RBM28: variants seen among roughly 807,000 people sequenced by gnomAD.
The protein encoded by RBM28 is RNA binding motif protein 28, also known as RNA-binding protein 28.
A neutral mutation model predicts 98.3 loss-of-function variants in RBM28; 78 were observed. The observed-to-expected ratio is 0.79, with a 90% CI of 0.66 to 0.96. RBM28 has a LOEUF of 0.96. RBM28 is among the 40% of genes least tolerant of loss of function. RBM28 has a pLI of 0.00. For synonymous variants in RBM28, 306 were observed against 330.9 expected (o/e 0.92, Z 0.82); for missense variants, 838 against 913.0 (o/e 0.92, Z 1.06).
Position 128,307,851 on chromosome 7 carries a change from C to G in RBM28, c.*2946G>C, listed in dbSNP as rs1224262837. The G allele has an allele frequency of 1.3e-5, 2 of 152,186 alleles. No individual in the cohort carries two copies. Among genetic ancestry groups the G allele is most frequent in the East Asian group, 3.9e-4 (2 of 5,188 alleles). 9.4% of individuals were successfully genotyped at this position (152,186 alleles called of 1,614,324 possible). A position where few individuals can be genotyped will look rare whatever the true frequency, so the allele number is the denominator to read the frequency against. On this transcript the variant is annotated 3_prime_UTR_variant, in exon 19 of 19. Coordinates refer to ENST00000223073, the MANE Select transcript of RBM28 (RefSeq NM_018077.3). ...CAAAATAATAGAGATGGGGGTCTCA[C>G]TATGTTGGCCAGGTCGGTCTCAAAC...
At chr7:128,320,727 C>CT (rs1796212857) in intron 14 of RBM28, among the ~76,000 whole-genome samples, 1 of 152,352 alleles carries the variant, frequency 6.6e-6, no homozygotes, top group East Asian at 1.9e-4. Context: ...TTAATAAATG[C>CT]TTGCTAAATT....
intron 18 of RBM28, 67 bp downstream of exon 18, chr7:128,313,108 G>T: frequency 6.7e-7 from 1 of 1,493,856 alleles, no homozygotes; most frequent in Non-Finnish European, 9.3e-7. Context: ...AACTAACCAA[G>T]GTACAAACAT....
chr7:128,341,216 T>G, intron 1 of RBM28: 1 of 1,280,498 alleles, frequency 7.8e-7, no homozygotes, highest in Non-Finnish European at 1.0e-6. Context: ...CTGATCTACA[T>G]AAACTGGTTA....
At chr7:128,318,753 T>A (rs1347591273) in intron 14 of RBM28, among the ~76,000 whole-genome samples, 2 of 152,154 alleles carry the variant, frequency 1.3e-5, no homozygotes, top group Non-Finnish European at 2.9e-5. Flanking sequence ...CTGTTTGCGA[T>A]ACATACAAAT....
chr7:128,319,508 T>C (rs1442444241), intron 14 of RBM28, among the ~76,000 whole-genome samples: 2 of 152,214 alleles, frequency 1.3e-5, no homozygotes, highest in Admixed American at 6.5e-5. Flanking sequence ...ATTCACATTC[T>C]CTCAAGTAAT....
rs1326669540 is a variant in RBM28, at chr7:128,335,094, T to C, written c.946+449A>G. Among the ~76,000 whole-genome samples the C allele has an allele frequency of 2.6e-5, 4 of 152,246 alleles. No homozygotes were observed. The East Asian group carries it at 7.7e-4, about 29-fold the overall frequency. ...CCACCCAGTTTATGGTATTTTGTTA[T>C]GTCAGTCCAAACTGACTAAACAGTT... On this transcript the variant is annotated intron_variant, in intron 8 of 18. Transcript: ENST00000223073.
At position 128,317,791 on chromosome 7, in the gene RBM28, G is replaced by A. The variant is rs369010949; in HGVS notation, c.1714-58C>T. The A allele has an allele frequency of 8.0e-6, 12 of 1,492,878 alleles. No homozygotes were observed. The African/African-American group carries it at 1.4e-4, about 17-fold the overall frequency. The allele number at this position is 1,492,878 out of a possible 1,614,324, so 92.5% of individuals were successfully genotyped here. ...ACTTCTTAATCTGTGCATGCAATGA[G>A]CTGAGTTTTTCCCCTTCACACATCC... is the stretch of plus-strand genomic sequence containing the variant. On this transcript the variant is annotated intron_variant, in intron 15 of 18. Coordinates refer to ENST00000223073, the MANE Select transcript of RBM28 (RefSeq NM_018077.3).
rs367775707 is a variant in RBM28, at chr7:128,314,846, C to T, written c.1963G>A (p.Glu655Lys). 3.1e-6 allele frequency: 5 copies of T among 1,614,084 alleles called. No homozygotes were observed. Among genetic ancestry groups the T allele is most frequent in the Admixed American group, 3.3e-5 (2 of 60,004 alleles). Residue 655 changes from glutamate to lysine, a missense_variant, in exon 17 of 19, where the codon GAA (glutamate) becomes AAA (lysine). Transcript: ENST00000223073. Reference sequence around the variant, plus strand: ...TCAGGCAGCTCCACCTGCTCCACTTCAGCCTTGGTCTGGAACCCGGTCCAT... The same window carrying T: ...TCAGGCAGCTCCACCTGCTCCACTTTAGCCTTGGTCTGGAACCCGGTCCAT... ...TSWTGFQTKAEVEQVELPDGK... is the reference protein window; with the variant it reads ...TSWTGFQTKAKVEQVELPDGK...
intron 1 of RBM28, among the ~76,000 whole-genome samples, chr7:128,342,456 C>A (rs979503586): frequency 6.6e-6 from 1 of 152,054 alleles, no homozygotes. Context: ...ATGAGGCGGG[C>A]GGATCACCTG....
chr7:128,328,794 T>C (rs1313788149), intron 10 of RBM28, among the ~76,000 whole-genome samples: 4 of 152,178 alleles, frequency 2.6e-5, no homozygotes, highest in Non-Finnish European at 4.4e-5. Flanking sequence ...GAGCTGCAGG[T>C]ACCTTAAGTG....
intron 1 of RBM28, among the ~76,000 whole-genome samples, chr7:128,340,653 T>G (rs903862642): frequency 6.6e-6 from 1 of 152,168 alleles, no homozygotes; most frequent in Admixed American, 6.5e-5. Context: ...AGATCAGCAA[T>G]AAATGCCTGA....
chr7:128,307,863 G>C lies in RBM28; in HGVS notation c.*2934C>G, dbSNP rs1208552317. The C allele has an allele frequency of 1.3e-5, 2 of 152,192 alleles. No individual in the cohort carries two copies. Among genetic ancestry groups the C allele is most frequent in the African/African-American group, 4.8e-5 (2 of 41,454 alleles). The allele number at this position is 152,192 out of a possible 1,614,324, so 9.4% of individuals were successfully genotyped here. A position where few individuals can be genotyped will look rare whatever the true frequency, so the allele number is the denominator to read the frequency against. On this transcript the variant is annotated 3_prime_UTR_variant, in exon 19 of 19. Transcript: ENST00000223073. ...GATGGGGGTCTCACTATGTTGGCCA[G>C]GTCGGTCTCAAACTCCTGACCTCAA...
chr7:128,317,688 T>C lies in RBM28; in HGVS notation c.1759A>G (p.Met587Val). Residue 587 changes from methionine to valine, a missense_variant, in exon 16 of 19, where the codon ATG becomes GTG. Coordinates refer to ENST00000223073, the MANE Select transcript of RBM28 (RefSeq NM_018077.3). The stretch of plus-strand genomic sequence containing the variant: ...CTGCGCTGGATCCTTAATTCCTTCA[T>C]TTTAAGTTTTCTTCGATCTTCTAAA... ...FSLEDRRKLK[M>V]KELRIQRSLQ... 1 of 1,609,132 alleles carries C rather than the reference T, an allele frequency of 6.2e-7. No homozygotes were observed. The highest frequency in any genetic ancestry group is 8.5e-7 in the Non-Finnish European group (1 of 1,175,434).
Position 128,330,892 on chromosome 7 carries a change from C to T in RBM28, c.1056G>A (p.Gly352=), listed in dbSNP as rs757504602. ...LSFDSEEEEL[G]ELLQQFGELK... ...GTTCTCCAAACTGTTGGAGAAGCTC[C>T]CCAAGTTCTTCTTCTTCTGAGTCAA... The change falls in exon 10 of 19, where the codon GGG becomes GGA. Residue 352 remains glycine (G), a synonymous_variant. Transcript: ENST00000223073. The T allele has an allele frequency of 6.2e-6, 10 of 1,614,006 alleles. No individual in the cohort carries two copies. The highest frequency in any genetic ancestry group is 1.7e-4 in the Middle Eastern group (1 of 6,060).
At chr7:128,335,421 T>A in intron 8 of RBM28, 122 bp downstream of exon 8, 1 of 1,213,840 alleles carries the variant, frequency 8.2e-7, no homozygotes, top group African/African-American at 1.5e-5. Context: ...CATTTAAACA[T>A]AAATTTGATA....
intron 11 of RBM28, 152 bp from the exon 12 acceptor site, chr7:128,324,846 T>A: frequency 9.4e-7 from 1 of 1,065,614 alleles, no homozygotes; most frequent in Non-Finnish European, 1.4e-6. Context: ...AAACCTCGTC[T>A]CTACTAAAAA....
At position 128,336,017 on chromosome 7, in the gene RBM28, T is replaced by A. The variant is rs778690952; in HGVS notation, c.639A>T (p.Lys213Asn). The A allele has an allele frequency of 1.2e-6, 2 of 1,611,452 alleles. No homozygotes were observed. The highest frequency in any genetic ancestry group is 1.7e-6 in the Non-Finnish European group (2 of 1,178,854). The change falls in exon 7 of 19, where the codon AAA (lysine) becomes AAT (asparagine). Residue 213 changes from lysine (K) to asparagine (N), a missense_variant. Physicochemically the swap from Lys to Asn is moderately conservative, Grantham distance 94. Transcript: ENST00000223073. ...AIGEEKSHES[K>N]HQESVKKKGR... ...CCTTCTTTTTAACTGATTCCTGATG[T>A]TTAGATTCATGGCTCTTTTCCTCAC... is the stretch of plus-strand genomic sequence containing the variant.
At chr7:128,329,079 A>T (rs1796414991) in intron 10 of RBM28, among the ~76,000 whole-genome samples, 2 of 151,910 alleles carry the variant, frequency 1.3e-5, no homozygotes, top group Admixed American at 1.3e-4. Context: ...CTGGGATTTC[A>T]GGCACACACC....
In RBM28 at chr7:128,338,708, G is replaced by A. The variant is rs781370877; in HGVS notation, c.448+18C>T. ...TGTTAACTAACGTAATCCACACCAA[G>A]TGAAGGTTTATTAGTACCTGGTTTC... On this transcript the variant is annotated intron_variant, in intron 4 of 18. Transcript: ENST00000223073. 7 of 1,531,092 alleles carry A rather than the reference G, an allele frequency of 4.6e-6. No individual in the cohort carries two copies. Among genetic ancestry groups the A allele is most frequent in the Non-Finnish European group, 5.4e-6 (6 of 1,104,480 alleles). 94.8% of individuals were successfully genotyped at this position (1,531,092 alleles called of 1,614,324 possible). A position where few individuals can be genotyped will look rare whatever the true frequency, so the allele number is the denominator to read the frequency against.
Sources: gnomAD v4.1 joint callset for allele counts (sites outside exome capture counted in the v4.1 genomes callset) on GRCh38, gnomAD v4.1.1 for gene constraint, MANE v1.5 for transcripts, NCBI Gene and HGNC (gene_info 2026-07-23, HGNC 2026-07-21) for gene names.